ECE1: variants seen among roughly 807,000 people sequenced by gnomAD.
ECE1 encodes endothelin-converting enzyme 1.
In ECE1, 35 loss-of-function variants were observed where a neutral mutation model predicts 98.6. That is an observed-to-expected ratio of 0.35 (90% CI 0.27 to 0.47). The LOEUF is 0.47. Ranked by LOEUF, ECE1 falls within the 20% of genes least tolerant of loss-of-function variation. The pLI, the probability that ECE1 is intolerant of heterozygous loss-of-function variation, is 1.00. For missense variants in ECE1, 814 were observed against 1,025.3 expected (o/e 0.79, Z 2.81); for synonymous variants, 394 against 407.1 (o/e 0.97, Z 0.39).
At chr1:21,240,028 A>G (rs1233400847) in intron 10 of ECE1, among the ~76,000 whole-genome samples, 1 of 152,036 alleles carries the variant, frequency 6.6e-6, no homozygotes, top group Non-Finnish European at 1.5e-5. Flanking sequence ...AAAATTAGCC[A>G]GGCGTGGTGG....
intron 10 of ECE1, among the ~76,000 whole-genome samples, chr1:21,241,064 C>T (rs2098195539): frequency 6.6e-6 from 1 of 152,170 alleles, no homozygotes; most frequent in Non-Finnish European, 1.5e-5. Flanking sequence ...GTAATTGCAC[C>T]ATCCACAGCA....
intron 1 of ECE1, among the ~76,000 whole-genome samples, chr1:21,331,443 A>C (rs57438913): frequency 3.4e-4 from 51 of 151,930 alleles, no homozygotes; most frequent in Non-Finnish European, 5.9e-5. Flanking sequence ...TTAGCCGGGT[A>C]TGGTGGTGCA....
chr1:21,247,381 A>G lies in ECE1; in HGVS notation c.1021-18T>C. On this transcript the variant is annotated intron_variant, in intron 8 of 18. Coordinates refer to ENST00000374893, the MANE Select transcript of ECE1 (RefSeq NM_001397.3). ...GCCAAGGTCTGCAAGGGAAAAGGACAGTGTGACCCTGTGGGGCTGCTCCTC... is the reference window on the plus strand; with the variant it reads ...GCCAAGGTCTGCAAGGGAAAAGGACGGTGTGACCCTGTGGGGCTGCTCCTC... 1.9e-6 allele frequency: 3 copies of G among 1,614,202 alleles called. No homozygotes were observed. Among genetic ancestry groups the G allele is most frequent in the Non-Finnish European group, 2.5e-6 (3 of 1,180,030 alleles).
intron 1 of ECE1, among the ~76,000 whole-genome samples, chr1:21,310,077 G>C (rs1638684819): frequency 6.6e-6 from 1 of 152,078 alleles, no homozygotes; most frequent in South Asian, 2.1e-4. Flanking sequence ...TTACAGGCGT[G>C]AGCCACTGTG....
intron 11 of ECE1, 92 bp downstream of exon 11, chr1:21,238,042 G>T: frequency 8.4e-7 from 1 of 1,188,316 alleles, no homozygotes; most frequent in Non-Finnish European, 1.3e-6. Context: ...GAGCAGGAAA[G>T]GCCCAGGGTG....
intron 1 of ECE1, among the ~76,000 whole-genome samples, chr1:21,301,816 A>ACT (rs1638489674): frequency 2.5e-5 from 3 of 121,580 alleles, no homozygotes; most frequent in African/African-American, 9.7e-5. Context: ...ACAGAGTGAG[A>ACT]CCCTGTCTCA....
Position 21,233,162 on chromosome 1 carries a change from G to A in ECE1, c.1670+396C>T, listed in dbSNP as rs1263132594. On this transcript the variant is annotated intron_variant, in intron 14 of 18. Coordinates refer to ENST00000374893, the MANE Select transcript of ECE1 (RefSeq NM_001397.3). The surrounding 1 kb of genome is among the most constrained non-coding windows in gnomAD (Gnocchi z 4.0). ...CTGCTCTTGCTGGGGCCTCCTTGGG[G>A]TCTGGCGCTCCCCAGAGGTCCTCAC... 1 of 193,672 alleles carries A rather than the reference G, an allele frequency of 5.2e-6. No homozygotes were observed. The highest frequency in any genetic ancestry group is 1.1e-5 in the Non-Finnish European group (1 of 92,014). The allele number at this position is 193,672 out of a possible 1,614,324, so 12.0% of individuals were successfully genotyped here. A position where few individuals can be genotyped will look rare whatever the true frequency, so the allele number is the denominator to read the frequency against.
rs1301827089 is a variant in ECE1, at chr1:21,235,005, G to A, written c.1566+845C>T. Among the ~76,000 whole-genome samples, 3 of 152,146 alleles carry A rather than the reference G, an allele frequency of 2.0e-5. No individual in the cohort carries two copies. Among genetic ancestry groups the A allele is most frequent in the South Asian group, 2.1e-4 (1 of 4,828 alleles). ...CTTAGGTTCTAAATATAACCATGAC[G>A]AGAGGTTATTAGATTTTTAAATGCC... On this transcript the variant is annotated intron_variant, in intron 13 of 18. Coordinates refer to ENST00000374893, the MANE Select transcript of ECE1 (RefSeq NM_001397.3). The surrounding 1 kb of genome is among the most constrained non-coding windows in gnomAD (Gnocchi z 4.2).
rs3026881 is a variant in ECE1, at chr1:21,257,242, T to C, written c.828+283A>G. Among the ~76,000 whole-genome samples the C allele has an allele frequency of 6.1e-3, 926 of 152,282 alleles. 14 individuals are homozygous for C. The highest frequency in any genetic ancestry group is 0.021 in the African/African-American group (880 of 41,552). On this transcript the variant is annotated intron_variant, in intron 7 of 18. Transcript: ENST00000374893. Reference sequence around the variant, plus strand: ...GTTAATGGGAGGGTCACAGGTGATGTATAAAGGGCCAGGCGAATTGTGGTA... The same window carrying C: ...GTTAATGGGAGGGTCACAGGTGATGCATAAAGGGCCAGGCGAATTGTGGTA...
intron 1 of ECE1, among the ~76,000 whole-genome samples, chr1:21,320,524 C>T (rs1451497475): frequency 6.6e-6 from 1 of 152,236 alleles, no homozygotes; most frequent in African/African-American, 2.4e-5. Flanking sequence ...CTTGGCCAGA[C>T]TGTGCTAAGC....
chr1:21,321,289 G>C (rs897213366), intron 1 of ECE1, among the ~76,000 whole-genome samples: 10 of 152,182 alleles, frequency 6.6e-5, no homozygotes, highest in Admixed American at 3.3e-4. Flanking sequence ...AGCCAGGCAG[G>C]CCTTCAGGAG....
intron 10 of ECE1, among the ~76,000 whole-genome samples, chr1:21,241,851 G>A (rs1234381256): frequency 2.0e-5 from 3 of 152,196 alleles, no homozygotes; most frequent in East Asian, 3.9e-4. Context: ...CAAAAGGAGC[G>A]AGGGTCTGAT....
intron 1 of ECE1, among the ~76,000 whole-genome samples, chr1:21,299,991 C>G (rs1638448662): frequency 6.6e-6 from 1 of 152,200 alleles, no homozygotes; most frequent in African/African-American, 2.4e-5. Flanking sequence ...ACTCAATGAG[C>G]TCATATCCTG....
chr1:21,331,454 C>T (rs892323130), intron 1 of ECE1, among the ~76,000 whole-genome samples: 4 of 151,894 alleles, frequency 2.6e-5, no homozygotes, highest in Non-Finnish European at 5.9e-5. Flanking sequence ...TGGTGGTGCA[C>T]GCTTGTAGTC....
At chr1:21,228,896 A>T (rs971551109) in intron 14 of ECE1, among the ~76,000 whole-genome samples, 1 of 143,206 alleles carries the variant, frequency 7.0e-6, no homozygotes, top group Non-Finnish European at 1.5e-5. Flanking sequence ...GCTGGAGTGC[A>T]GTGGTGCGAC....
At chr1:21,309,480 G>C (rs1638669583) in intron 1 of ECE1, among the ~76,000 whole-genome samples, 1 of 152,204 alleles carries the variant, frequency 6.6e-6, no homozygotes, top group Admixed American at 6.5e-5. Flanking sequence ...GCGCTGGCTT[G>C]GTTGGGTGAA....
chr1:21,260,221 G>T lies in ECE1; in HGVS notation c.615+50C>A. 6.2e-7 allele frequency: 1 copy of T among 1,613,926 alleles called. No individual in the cohort carries two copies. Among genetic ancestry groups the T allele is most frequent in the Non-Finnish European group, 8.5e-7 (1 of 1,179,878 alleles). ...AGGCTGGAGTGGAAGCCAGGGGGCG[G>T]GCAGGTGGCATGGGCCGGGGCTTGG... On this transcript the variant is annotated intron_variant, in intron 5 of 18. Coordinates refer to ENST00000374893, the MANE Select transcript of ECE1 (RefSeq NM_001397.3). This position sits in a 1 kb window ranked among gnomAD's most constrained non-coding sequence, Gnocchi z 4.3.
chr1:21,228,085 G>C, intron 14 of ECE1, 44 bp from the exon 15 acceptor site: 1 of 1,492,222 alleles, frequency 6.7e-7, no homozygotes, highest in Non-Finnish European at 9.1e-7. Context: ...CAGGGCGGGA[G>C]GCAGGTGGGG....
intron 9 of ECE1, among the ~76,000 whole-genome samples, chr1:21,246,339 A>C (rs2098203467): frequency 6.6e-6 from 1 of 151,894 alleles, no homozygotes; most frequent in African/African-American, 2.4e-5. Flanking sequence ...ATCTCTACTA[A>C]AAATACAAAC....
Sources: allele counts gnomAD v4.1 joint callset (sites outside exome capture counted in the v4.1 genomes callset), GRCh38; gene constraint gnomAD v4.1.1; non-coding constraint Gnocchi (gnomAD v3.1); transcripts MANE v1.5; gene names NCBI Gene and HGNC (gene_info 2026-07-23, HGNC 2026-07-21).